STAT3: variants seen among roughly 807,000 people sequenced by gnomAD.
The protein encoded by STAT3 is DNA-binding protein APRF.
In STAT3, 7 loss-of-function variants were observed where a neutral mutation model predicts 114.3. The observed-to-expected ratio is 0.06, with a 90% CI of 0.03 to 0.11. The LOEUF is 0.11. Ranked by LOEUF, STAT3 falls within the 10% of genes least tolerant of loss-of-function variation. The pLI, the probability that STAT3 is intolerant of heterozygous loss-of-function variation, is 1.00. For missense variants in STAT3, 364 were observed against 960.9 expected (o/e 0.38, Z 8.21); for synonymous variants, 331 against 354.5 (o/e 0.93, Z 0.74).
At chr17:42,326,256 C>G in intron 14 of STAT3, 57 bp from the exon 15 acceptor site, 1 of 1,548,548 alleles carries the variant, frequency 6.5e-7, no homozygotes, top group East Asian at 2.3e-5. Context: ...GCCTGTAATC[C>G]CAGCACTTTG....
chr17:42,337,392 C>T lies in STAT3; in HGVS notation c.797+43G>A. ...CCTGCAGTTAAGATCAGAATTCAATCTAGCTTTCGAGAAAGAAAGGAAAAG... is the reference window on the plus strand; with the variant it reads ...CCTGCAGTTAAGATCAGAATTCAATTTAGCTTTCGAGAAAGAAAGGAAAAG... On this transcript the variant is annotated intron_variant, in intron 8 of 23. Coordinates refer to ENST00000264657, the MANE Select transcript of STAT3 (RefSeq NM_139276.3). This position sits in a 1 kb window ranked among gnomAD's most constrained non-coding sequence, Gnocchi z 4.0. The T allele has an allele frequency of 6.2e-7, 1 of 1,610,366 alleles. No individual in the cohort carries two copies. Among genetic ancestry groups the T allele is most frequent in the Admixed American group, 1.7e-5 (1 of 59,802 alleles).
Position 42,314,487 on chromosome 17 carries a change from T to TGGGGG in STAT3, c.*1257_*1258insCCCCC. ...ATCAGGGGGACTGGGGTCGGGAGGGTGGGGCAGGAAGGAAGCCAGAATCAG... is the reference window on the plus strand; with the variant it reads ...ATCAGGGGGACTGGGGTCGGGAGGGTGGGGGGGGGCAGGAAGGAAGCCAGAATCAG... On this transcript the variant is annotated 3_prime_UTR_variant, in exon 24 of 24. Transcript: ENST00000264657. The TGGGGG allele has an allele frequency of 1.4e-5, 1 of 69,188 alleles. No individual in the cohort carries two copies. 4.3% of individuals were successfully genotyped at this position (69,188 alleles called of 1,614,324 possible). A position where few individuals can be genotyped will look rare whatever the true frequency, so the allele number is the denominator to read the frequency against.
At chr17:42,369,499 A>G (rs1478124441) in intron 1 of STAT3, among the ~76,000 whole-genome samples, 9 of 152,142 alleles carry the variant, frequency 5.9e-5, no homozygotes, top group Non-Finnish European at 8.8e-5. Context: ...TGTCTTTGCT[A>G]TTGTGAATAG....
intron 1 of STAT3, among the ~76,000 whole-genome samples, chr17:42,386,369 G>T (rs186235981): frequency 1.3e-5 from 2 of 151,714 alleles, no homozygotes; most frequent in African/African-American, 4.8e-5. Flanking sequence ...ACTCTGCTGC[G>T]TTGGCCAAGT....
At chr17:42,318,018 A>G (rs1009836761) in intron 21 of STAT3, among the ~76,000 whole-genome samples, 12 of 152,066 alleles carry the variant, frequency 7.9e-5, no homozygotes, top group Non-Finnish European at 1.3e-4. Context: ...CAGTGGCACA[A>G]TCTCGGTTAC....
At chr17:42,353,370 G>A (rs1598457686) in intron 1 of STAT3, among the ~76,000 whole-genome samples, 1 of 139,232 alleles carries the variant, frequency 7.2e-6, no homozygotes, top group Admixed American at 7.0e-5. Context: ...AAGAAAGAAA[G>A]AAAGAAAGAA....
At chr17:42,343,498 G>T (rs1364535886) in intron 4 of STAT3, among the ~76,000 whole-genome samples, 8 of 123,560 alleles carry the variant, frequency 6.5e-5, no homozygotes, top group Admixed American at 2.1e-4. Flanking sequence ...TCGCTCTGTC[G>T]CCCAGGAGTG....
chr17:42,324,670 C>A lies in STAT3; in HGVS notation c.1600+41G>T. On this transcript the variant is annotated intron_variant, in intron 17 of 23. Transcript: ENST00000264657. The surrounding 1 kb of genome is among the most constrained non-coding windows in gnomAD (Gnocchi z 4.5). ...CAGCCCTATGGGCCGGATCCCTTTT[C>A]TGGGCGGGTGGGCGGGAGGGAGAAG... The A allele has an allele frequency of 8.1e-7, 1 of 1,232,806 alleles. No individual in the cohort carries two copies. Among genetic ancestry groups the A allele is most frequent in the Non-Finnish European group, 1.1e-6 (1 of 947,738 alleles). 76.4% of individuals were successfully genotyped at this position (1,232,806 alleles called of 1,614,324 possible). A position where few individuals can be genotyped will look rare whatever the true frequency, so the allele number is the denominator to read the frequency against.
chr17:42,315,649 T>C lies in STAT3; in HGVS notation c.*96A>G, dbSNP rs2081218248. The C allele has an allele frequency of 5.5e-6, 7 of 1,275,176 alleles. No homozygotes were observed. Among genetic ancestry groups the C allele is most frequent in the Non-Finnish European group, 8.0e-6 (7 of 872,544 alleles). 79.0% of individuals were successfully genotyped at this position (1,275,176 alleles called of 1,614,324 possible). On this transcript the variant is annotated 3_prime_UTR_variant, in exon 24 of 24. Transcript: ENST00000264657. The stretch of plus-strand genomic sequence containing the variant: ...AAAAAATCTGGAACCACAAAGTTAG[T>C]AGTTTCAGATGATCTGGGGTTTGGC...
At chr17:42,378,234 C>G (rs1236208430) in intron 1 of STAT3, among the ~76,000 whole-genome samples, 2 of 151,278 alleles carry the variant, frequency 1.3e-5, no homozygotes, top group Non-Finnish European at 2.9e-5. Flanking sequence ...CGTTACCACC[C>G]TAATTATGCT....
intron 1 of STAT3, among the ~76,000 whole-genome samples, chr17:42,377,890 A>G (rs113164505): frequency 3.9e-5 from 6 of 152,128 alleles, no homozygotes; most frequent in African/African-American, 1.4e-4. Flanking sequence ...GTATAGAGGT[A>G]TGAACTCCCA....
intron 1 of STAT3, among the ~76,000 whole-genome samples, chr17:42,354,636 G>A (rs1049067009): frequency 1.3e-5 from 2 of 150,814 alleles, no homozygotes; most frequent in African/African-American, 2.4e-5. Context: ...GTGAAACCCT[G>A]TCTCTACTAA....
intron 1 of STAT3, among the ~76,000 whole-genome samples, chr17:42,366,742 AG>A (rs1343059121): frequency 1.3e-5 from 2 of 150,576 alleles, no homozygotes; most frequent in Non-Finnish European, 3.0e-5. Flanking sequence ...GCCTTAATCC[AG>A]GCCACCAGCA....
intron 21 of STAT3, 120 bp downstream of exon 21, chr17:42,322,162 C>A (rs2081511355): frequency 6.2e-6 from 6 of 963,000 alleles, no homozygotes. Flanking sequence ...AATTCTTTCC[C>A]ATAAGGAGAA....
chr17:42,318,623 G>A (rs374548161), intron 21 of STAT3, among the ~76,000 whole-genome samples: 2 of 152,302 alleles, frequency 1.3e-5, no homozygotes, highest in South Asian at 4.2e-4. Context: ...ATACTGGCAT[G>A]AAATCTGGGG....
chr17:42,378,451 C>T (rs916868953), intron 1 of STAT3, among the ~76,000 whole-genome samples: 10 of 152,066 alleles, frequency 6.6e-5, no homozygotes, highest in Non-Finnish European at 5.9e-5. Context: ...TTCACCAAGT[C>T]GGCAAGGATG....
At chr17:42,343,552 T>C (rs1364824281) in intron 4 of STAT3, among the ~76,000 whole-genome samples, 1 of 149,682 alleles carries the variant, frequency 6.7e-6, no homozygotes, top group Admixed American at 6.7e-5. Context: ...CCTCCCAGGT[T>C]CAAGCGATTC....
At chr17:42,316,711 G>A (rs764054768) in intron 23 of STAT3, 78 bp downstream of exon 23, 17 of 1,597,526 alleles carry the variant, frequency 1.1e-5, no homozygotes, top group Admixed American at 7.0e-5. Context: ...ACCAGCTCTC[G>A]GTGTGTACAT....
chr17:42,383,319 A>C (rs892122514), intron 1 of STAT3, among the ~76,000 whole-genome samples: 3 of 151,012 alleles, frequency 2.0e-5, no homozygotes, highest in Admixed American at 6.6e-5. Flanking sequence ...TGCCTCACAA[A>C]GCGCTGGGAT....
Sources: allele counts gnomAD v4.1 joint callset (sites outside exome capture counted in the v4.1 genomes callset), GRCh38; gene constraint gnomAD v4.1.1; non-coding constraint Gnocchi (gnomAD v3.1); transcripts MANE v1.5; gene names NCBI Gene and HGNC (gene_info 2026-07-23, HGNC 2026-07-21).